The following RHBDD1 variants were observed in gnomAD, a reference collection of about 807,000 sequenced individuals.
RHBDD1 encodes rhomboid-related protein 4.
Under a neutral mutation model 36.3 loss-of-function variants are expected in RHBDD1, and 38 were observed. That is an observed-to-expected ratio of 1.05 (90% CI 0.81 to 1.37). The LOEUF (loss-of-function observed/expected upper bound fraction) is 1.37. Among genes scored for constraint, RHBDD1 ranks in the 40% most tolerant of loss-of-function variants. The pLI, the probability that RHBDD1 is intolerant of heterozygous loss-of-function variation, is 0.00. For missense variants in RHBDD1, 393 were observed against 377.6 expected (o/e 1.04, Z -0.34); for synonymous variants, 151 against 136.5 (o/e 1.11, Z -0.74).
intron 8 of RHBDD1, chr2:226,988,839 G>C: frequency 2.9e-5 from 11 of 378,482 alleles, no homozygotes; most frequent in Non-Finnish European, 4.0e-5. Context: ...TTTGCAGCTA[G>C]ACCTATCTAT....
chr2:226,823,803 T>G, the RHBDD1 span, among the ~76,000 whole-genome samples: 1 of 152,212 alleles, frequency 6.6e-6, no homozygotes, highest in Non-Finnish European at 1.5e-5. Context: ...GGACTAAATC[T>G]TCTGATGGCC....
intron 5 of RHBDD1, among the ~76,000 whole-genome samples, chr2:226,903,669 G>A (rs767800600): frequency 1.6e-4 from 24 of 152,112 alleles, no homozygotes; most frequent in Non-Finnish European, 2.5e-4. Flanking sequence ...GAAACAGTGG[G>A]TAGAAGAGGG....
intron 5 of RHBDD1, among the ~76,000 whole-genome samples, chr2:226,904,136 G>T (rs776087047): frequency 5.9e-5 from 9 of 152,162 alleles, no homozygotes; most frequent in Non-Finnish European, 1.3e-4. Context: ...TTTCACACTG[G>T]CCCTCTGCCT....
chr2:226,806,637 A>G, the RHBDD1 span, among the ~76,000 whole-genome samples: 9 of 152,238 alleles, frequency 5.9e-5, no homozygotes, highest in African/African-American at 1.7e-4. Flanking sequence ...CAGTGCGCAC[A>G]CACACACTCA....
intron 4 of RHBDD1, among the ~76,000 whole-genome samples, chr2:226,865,597 C>T (rs926157757): frequency 1.3e-5 from 2 of 152,140 alleles, no homozygotes; most frequent in Non-Finnish European, 2.9e-5. Flanking sequence ...AAACAGGAGC[C>T]TAGGATTCAT....
rs1009560301 is a variant in RHBDD1 at position 226,943,765 on chromosome 2, C to T, written c.856+29414C>T. Among the ~76,000 whole-genome samples, 5 of 152,174 alleles carry T rather than the reference C, an allele frequency of 3.3e-5. No homozygotes were observed. The East Asian group carries it at 5.8e-4, about 18-fold the overall frequency. Reference sequence around the variant, plus strand: ...GGAAATAAGTCCCTGACTTACATAACGCAGGCCTAGTAAGGCCTATTTTGC... The same window carrying T: ...GGAAATAAGTCCCTGACTTACATAATGCAGGCCTAGTAAGGCCTATTTTGC... On this transcript the variant is annotated intron_variant, in intron 8 of 8. Transcript: ENST00000392062.
chr2:226,960,165 C>T (rs1318109746), intron 8 of RHBDD1, among the ~76,000 whole-genome samples: 1 of 152,202 alleles, frequency 6.6e-6, no homozygotes, highest in Non-Finnish European at 1.5e-5. Context: ...TTCCAAAGTG[C>T]TGGTTCTATT....
At chr2:226,860,885 T>C (rs1286782518) in intron 3 of RHBDD1, among the ~76,000 whole-genome samples, 1 of 152,214 alleles carries the variant, frequency 6.6e-6, no homozygotes, top group Non-Finnish European at 1.5e-5. Context: ...TCTTTTGATT[T>C]CCTGTGGACA....
At chr2:226,901,395 ATG>A (rs1947579720) in intron 5 of RHBDD1, among the ~76,000 whole-genome samples, 1 of 152,308 alleles carries the variant, frequency 6.6e-6, no homozygotes, top group South Asian at 2.1e-4. Flanking sequence ...TTGGGTATAT[ATG>A]CAGAAGTAGA....
intron 5 of RHBDD1, among the ~76,000 whole-genome samples, chr2:226,873,659 TAGG>T (rs1944974780): frequency 6.6e-6 from 1 of 152,106 alleles, no homozygotes; most frequent in Non-Finnish European, 1.5e-5. Flanking sequence ...AATTAAGAGA[TAGG>T]AGGTTTTGTC....
the RHBDD1 span, among the ~76,000 whole-genome samples, chr2:226,815,045 C>T: frequency 1.3e-5 from 2 of 152,182 alleles, no homozygotes; most frequent in Non-Finnish European, 2.9e-5. Flanking sequence ...CTGGAGCTGC[C>T]TGCAATCTGG....
intron 8 of RHBDD1, among the ~76,000 whole-genome samples, chr2:226,940,813 A>G (rs13410141): frequency 0.59 from 89,061 of 151,950 alleles, 26,880 homozygotes; most frequent in African/African-American, 0.74. Context: ...ATTAACTGTG[A>G]CCAGGATTAC....
intron 8 of RHBDD1, among the ~76,000 whole-genome samples, chr2:226,937,249 C>G: frequency 6.6e-6 from 1 of 152,026 alleles, no homozygotes; most frequent in Admixed American, 6.6e-5. Context: ...ATCTTATGTT[C>G]TCATTCAACA....
chr2:226,971,028 G>A (rs1001067064), intron 8 of RHBDD1, among the ~76,000 whole-genome samples: 2 of 152,126 alleles, frequency 1.3e-5, no homozygotes, highest in Admixed American at 1.3e-4. Context: ...AGTTGAGATG[G>A]TACATTTCGT....
In RHBDD1 at chr2:226,885,099, G is replaced by A. The variant is rs562171706; in HGVS notation, c.566+17781G>A. ...ACATAAAAGCTTTAGTTTTGTTTGT[G>A]TTTTCTTTTCTGTATAACACTAGGT... is the stretch of plus-strand genomic sequence containing the variant. On this transcript the variant is annotated intron_variant, in intron 5 of 8. Transcript: ENST00000392062. Among the ~76,000 whole-genome samples, 5 of 152,104 alleles carry A rather than the reference G, an allele frequency of 3.3e-5. No individual in the cohort carries two copies. In the South Asian group the frequency reaches 1.0e-3, roughly 32 times the overall value.
At chr2:226,805,817 G>C in the RHBDD1 span, among the ~76,000 whole-genome samples, 1 of 152,206 alleles carries the variant, frequency 6.6e-6, no homozygotes, top group Non-Finnish European at 1.5e-5. Context: ...GGTAGAGCTA[G>C]TTGGTTTTAC....
chr2:226,897,001 CCA>C (rs1188896341), intron 5 of RHBDD1, among the ~76,000 whole-genome samples: 1 of 152,102 alleles, frequency 6.6e-6, no homozygotes, highest in Non-Finnish European at 1.5e-5. Context: ...TGGGGTTTCA[CCA>C]TGTTGACCAG....
At chr2:226,988,454 C>G in intron 8 of RHBDD1, 1 of 1,549,088 alleles carries the variant, frequency 6.5e-7, no homozygotes. Flanking sequence ...CTAAGGAATC[C>G]TTTGAGGCTG....
intron 6 of RHBDD1, among the ~76,000 whole-genome samples, chr2:226,907,575 G>C (rs1489924476): frequency 6.7e-6 from 1 of 149,290 alleles, no homozygotes; most frequent in Admixed American, 6.7e-5. Context: ...TTATTCATGG[G>C]AAGTCTTCTG....
Sources: allele counts gnomAD v4.1 joint callset (sites outside exome capture counted in the v4.1 genomes callset), GRCh38; gene constraint gnomAD v4.1.1; transcripts MANE v1.5; gene names NCBI Gene and HGNC (gene_info 2026-07-23, HGNC 2026-07-21).